Variants in DUSP13B observed in about 807,000 individuals in gnomAD.
DUSP13B encodes dual specificity phosphatase 13B.
chr10:75,108,581 C>G, the DUSP13B span, among the ~76,000 whole-genome samples: 1 of 152,196 alleles, frequency 6.6e-6, no homozygotes. Context: ...ATACCTGCTT[C>G]TAACCTACAA....
chr10:75,097,875 G>A, the DUSP13B span: 123 of 1,605,856 alleles, frequency 7.7e-5, no homozygotes, highest in Non-Finnish European at 1.0e-4. Context: ...TGCTTCTGCA[G>A]TGAGTCCATC....
the DUSP13B span, chr10:75,095,713 C>G: frequency 6.2e-7 from 1 of 1,614,200 alleles, no homozygotes; most frequent in Admixed American, 1.7e-5. Context: ...GCACCTGTGT[C>G]CACCTGGAAC....
chr10:75,108,880 G>A, the DUSP13B span: 2 of 1,253,952 alleles, frequency 1.6e-6, no homozygotes, highest in Non-Finnish European at 2.1e-6. Flanking sequence ...TCCTGGAGAA[G>A]GTCCCTGGCC....
chr10:75,108,593 T>C, the DUSP13B span, among the ~76,000 whole-genome samples: 44 of 152,082 alleles, frequency 2.9e-4, no homozygotes, highest in Non-Finnish European at 5.4e-4. Context: ...AACCTACAAA[T>C]GTTTAGAGGC....
the DUSP13B span, chr10:75,101,933 C>A: frequency 5.1e-6 from 7 of 1,367,702 alleles, no homozygotes; most frequent in East Asian, 4.5e-5. Flanking sequence ...GGCTTTCAGC[C>A]GCCTGTCTCC....
chr10:75,097,849 G>C, the DUSP13B span: 5 of 1,612,126 alleles, frequency 3.1e-6, no homozygotes, highest in East Asian at 1.1e-4. Flanking sequence ...CATGGATCTT[G>C]GGCCTCCGGA....
the DUSP13B span, chr10:75,103,982 T>G: frequency 8.2e-6 from 11 of 1,346,780 alleles, no homozygotes; most frequent in Admixed American, 2.2e-4. Flanking sequence ...GACCCCACGC[T>G]GGGCTTCCAC....
chr10:75,103,896 G>C, the DUSP13B span: 1 of 1,308,532 alleles, frequency 7.6e-7, no homozygotes, highest in Non-Finnish European at 1.0e-6. Flanking sequence ...ACTCCCACCT[G>C]TGGAGACTGA....
At chr10:75,108,042 T>C in the DUSP13B span, 2 of 1,613,676 alleles carry the variant, frequency 1.2e-6, no homozygotes, top group South Asian at 1.1e-5. Flanking sequence ...AGAGGAGAAG[T>C]AGGCACTGAT....
At chr10:75,095,307 A>G in the DUSP13B span, among the ~76,000 whole-genome samples, 1 of 152,146 alleles carries the variant, frequency 6.6e-6, no homozygotes, top group East Asian at 1.9e-4. Context: ...ACTGGGTCCT[A>G]TACCTTCTGT....
chr10:75,094,663 G>A, the DUSP13B span: 1 of 1,612,556 alleles, frequency 6.2e-7, no homozygotes, highest in African/African-American at 1.3e-5. Context: ...AGGGATCCTG[G>A]CTGCCTGCCA....
the DUSP13B span, chr10:75,104,089 G>A: frequency 7.4e-7 from 1 of 1,351,910 alleles, no homozygotes; most frequent in Non-Finnish European, 9.9e-7. Context: ...CAGGGAGTAA[G>A]GACCAGCTCT....
the DUSP13B span, chr10:75,109,155 C>T: frequency 3.2e-6 from 5 of 1,584,690 alleles, no homozygotes; most frequent in African/African-American, 6.8e-5. Flanking sequence ...AGGTCTCAGC[C>T]ATGGGCCAGC....
chr10:75,103,223 C>G, the DUSP13B span, among the ~76,000 whole-genome samples: 1 of 152,248 alleles, frequency 6.6e-6, no homozygotes, highest in Non-Finnish European at 1.5e-5. Context: ...CACATGTAAA[C>G]TGGTGGCATT....
At chr10:75,097,901 C>A in the DUSP13B span, 1 of 1,562,240 alleles carries the variant, frequency 6.4e-7, no homozygotes. Context: ...ACAGAGTGGA[C>A]ACCGCAGTGG....
the DUSP13B span, among the ~76,000 whole-genome samples, chr10:75,101,388 C>T: frequency 6.6e-6 from 1 of 152,132 alleles, no homozygotes; most frequent in Admixed American, 6.5e-5. Flanking sequence ...CTTTCCAGCC[C>T]CAGCCATATC....
the DUSP13B span, chr10:75,099,031 C>T: frequency 8.1e-7 from 1 of 1,232,486 alleles, no homozygotes; most frequent in African/African-American, 1.5e-5. Flanking sequence ...TCCTCCTTAC[C>T]CCCACGACTC....
the DUSP13B span, chr10:75,099,544 A>C: frequency 8.1e-7 from 1 of 1,231,414 alleles, no homozygotes; most frequent in Non-Finnish European, 1.0e-6. Context: ...AAGCGGCTAG[A>C]ATTCCAGGTG....
the DUSP13B span, chr10:75,109,125 TC>T: frequency 1.2e-6 from 2 of 1,605,262 alleles, no homozygotes; most frequent in South Asian, 1.1e-5. Context: ...CTTTGTCCTC[TC>T]CCCCCAGCTC....
Sources: gnomAD v4.1 joint callset for allele counts (sites outside exome capture counted in the v4.1 genomes callset) on GRCh38, gnomAD v4.1.1 for gene constraint, MANE v1.5 for transcripts, NCBI Gene and HGNC (gene_info 2026-07-23, HGNC 2026-07-21) for gene names.